FNIP1: variants seen among roughly 807,000 people sequenced by gnomAD.
FNIP1 encodes the protein folliculin interacting protein 1, also known as folliculin-interacting protein 1.
FNIP1 carries 40 observed loss-of-function variants against 124.5 expected under a neutral mutation model. The observed-to-expected ratio is 0.32, with a 90% confidence interval of 0.25 to 0.42. FNIP1 has a LOEUF of 0.42. FNIP1 is among the 10% of genes least tolerant of loss of function. FNIP1 has a pLI of 1.00. For synonymous variants in FNIP1, 472 were observed against 470.6 expected (o/e 1.00, Z -0.04); for missense variants, 1,176 against 1,403.7 (o/e 0.84, Z 2.59).
At chr5:131,660,669 T>G (rs1428730109) in intron 15 of FNIP1, among the ~76,000 whole-genome samples, 3 of 152,204 alleles carry the variant, frequency 2.0e-5, no homozygotes, top group East Asian at 1.9e-4. Context: ...GCTGGCCTTG[T>G]GTCTATTGAA....
At chr5:131,657,735 G>GTA (rs1767241290) in intron 15 of FNIP1, among the ~76,000 whole-genome samples, 1 of 5,538 alleles carries the variant, frequency 1.8e-4, no homozygotes, top group Non-Finnish European at 4.9e-4. Flanking sequence ...TGAAAATAAG[G>GTA]CAAAAAAAAA....
rs117975483 is a variant in FNIP1, at chr5:131,700,823, T to C, written c.1117-1821A>G. Among the ~76,000 whole-genome samples, 384 of 152,328 alleles carry C rather than the reference T, an allele frequency of 2.5e-3. 10 individuals carry two copies. The East Asian group carries it at 0.063, about 25-fold the overall frequency. ...ATTCACTATTATATTCTATTCTTAATAATATTCTATCATTAAGTAACTACT... is the reference window on the plus strand; with the variant it reads ...ATTCACTATTATATTCTATTCTTAACAATATTCTATCATTAAGTAACTACT... On this transcript the variant is annotated intron_variant, in intron 10 of 17. Coordinates refer to ENST00000510461, the MANE Select transcript of FNIP1 (RefSeq NM_133372.3).
At chr5:131,647,642 T>G (rs567096736) in intron 16 of FNIP1, among the ~76,000 whole-genome samples, 6 of 152,046 alleles carry the variant, frequency 3.9e-5, no homozygotes, top group African/African-American at 1.4e-4. Context: ...CCGGCTAATT[T>G]CTTTTCTATT....
intron 1 of FNIP1, among the ~76,000 whole-genome samples, chr5:131,774,764 G>A (rs1159482478): frequency 6.6e-6 from 1 of 152,156 alleles, no homozygotes; most frequent in African/African-American, 2.4e-5. Context: ...AGAATATTTA[G>A]TATATATCTG....
intron 10 of FNIP1, 41 bp downstream of exon 10, chr5:131,704,024 G>A (rs1417845032): frequency 1.4e-6 from 2 of 1,468,556 alleles, no homozygotes; most frequent in Non-Finnish European, 1.9e-6. Context: ...GGGAGAATAA[G>A]ATTTTAAAAG....
chr5:131,764,915 C>T (rs1771367823), intron 1 of FNIP1, among the ~76,000 whole-genome samples: 1 of 152,034 alleles, frequency 6.6e-6, no homozygotes, highest in Non-Finnish European at 1.5e-5. Flanking sequence ...TAAGTAGAAG[C>T]ATGCTTTCTT....
At chr5:131,750,245 G>T (rs183015742) in intron 1 of FNIP1, among the ~76,000 whole-genome samples, 162 of 152,264 alleles carry the variant, frequency 1.1e-3, no homozygotes, top group African/African-American at 3.7e-3. Context: ...GTTAGGGAAC[G>T]TAGTGATGGG....
intron 15 of FNIP1, among the ~76,000 whole-genome samples, chr5:131,666,879 G>A (rs919713429): frequency 2.0e-5 from 3 of 152,102 alleles, no homozygotes; most frequent in Non-Finnish European, 4.4e-5. Flanking sequence ...GTTTGGCGAT[G>A]GGTACAGATG....
At position 131,672,365 on chromosome 5, in the gene FNIP1, T is replaced by C. The variant is rs760286408; in HGVS notation, c.2079A>G (p.Ala693=). The C allele has an allele frequency of 9.3e-6, 15 of 1,614,090 alleles. No homozygotes were observed. The highest frequency in any genetic ancestry group is 1.3e-5 in the Non-Finnish European group (15 of 1,180,038). ...CTGSVPVDKC[A]LSESGLESTE... ...TTGACTCTAAGCCTGACTCTGACAA[T>C]GCACATTTGTCTACTGGAACAGATC... The change falls in exon 14 of 18, where the codon GCA becomes GCG. Residue 693 remains alanine (A), a synonymous_variant. Coordinates refer to ENST00000510461, the MANE Select transcript of FNIP1 (RefSeq NM_133372.3).
Position 131,671,702 on chromosome 5 carries a change from G to C in FNIP1, c.2742C>G (p.Pro914=), listed in dbSNP as rs1163053289. The change falls in exon 14 of 18, where the codon CCC becomes CCG. Residue 914 remains proline, a synonymous_variant. Coordinates refer to ENST00000510461, the MANE Select transcript of FNIP1 (RefSeq NM_133372.3). ...TATCTGAACTCTCTTTATCCCCATGGGGGACAAGAATGGAGAGTGTATCTC... is the reference window on the plus strand; with the variant it reads ...TATCTGAACTCTCTTTATCCCCATGCGGGACAAGAATGGAGAGTGTATCTC... ...DQRDTLSILV[P]HGDKESSDKK... 1.2e-6 allele frequency: 2 copies of C among 1,614,116 alleles called. No homozygotes were observed. Among genetic ancestry groups the C allele is most frequent in the Admixed American group, 3.3e-5 (2 of 60,016 alleles).
chr5:131,711,744 C>T (rs1340767909), intron 6 of FNIP1, among the ~76,000 whole-genome samples: 2 of 152,196 alleles, frequency 1.3e-5, no homozygotes, highest in Non-Finnish European at 2.9e-5. Flanking sequence ...GATCCTCCTG[C>T]TTTGGCCTCC....
intron 15 of FNIP1, among the ~76,000 whole-genome samples, chr5:131,655,595 C>G (rs1050290738): frequency 4.6e-5 from 7 of 152,102 alleles, no homozygotes; most frequent in African/African-American, 1.7e-4. Context: ...GCCCAGAGCT[C>G]AAGTGTTGCA....
chr5:131,689,831 G>A (rs1768415095), intron 11 of FNIP1, among the ~76,000 whole-genome samples: 1 of 152,190 alleles, frequency 6.6e-6, no homozygotes, highest in African/African-American at 2.4e-5. Flanking sequence ...CTTCAAATGT[G>A]AGTGGTCTTA....
intron 3 of FNIP1, among the ~76,000 whole-genome samples, chr5:131,728,920 T>C (rs536290226): frequency 6.6e-6 from 1 of 152,300 alleles, no homozygotes; most frequent in East Asian, 1.9e-4. Context: ...TTGTTAGTTT[T>C]CCTTCTACCA....
chr5:131,736,680 A>C (rs1486619019), intron 2 of FNIP1, among the ~76,000 whole-genome samples: 1 of 152,266 alleles, frequency 6.6e-6, no homozygotes, highest in Non-Finnish European at 1.5e-5. Flanking sequence ...CTAAAGAGAT[A>C]CAACAAATAA....
At chr5:131,693,334 A>ATATATATG (rs1491274131) in intron 11 of FNIP1, among the ~76,000 whole-genome samples, 7 of 16,400 alleles carry the variant, frequency 4.3e-4, no homozygotes, top group African/African-American at 5.9e-4. Context: ...ATATATATAC[A>ATATATATG]TATATATATA....
chr5:131,692,099 AAC>A (rs1280293439), intron 11 of FNIP1, among the ~76,000 whole-genome samples: 2 of 152,204 alleles, frequency 1.3e-5, no homozygotes, highest in African/African-American at 4.8e-5. Context: ...AAGGAAATAA[AAC>A]AGTCTTTATT....
intron 2 of FNIP1, among the ~76,000 whole-genome samples, chr5:131,738,618 G>A (rs1276643009): frequency 3.9e-5 from 6 of 152,016 alleles, no homozygotes; most frequent in African/African-American, 1.4e-4. Flanking sequence ...TCGTGTCTCA[G>A]CCTCCCTAGT....
intron 1 of FNIP1, among the ~76,000 whole-genome samples, chr5:131,747,191 G>C (rs1384306472): frequency 6.6e-6 from 1 of 152,146 alleles, no homozygotes; most frequent in Non-Finnish European, 1.5e-5. Flanking sequence ...CAAATGTACA[G>C]TTTGTGAATA....
Sources: allele counts gnomAD v4.1 joint callset (sites outside exome capture counted in the v4.1 genomes callset), GRCh38; gene constraint gnomAD v4.1.1; transcripts MANE v1.5; gene names NCBI Gene and HGNC (gene_info 2026-07-23, HGNC 2026-07-21).